MDH2: variants seen among roughly 807,000 people sequenced by gnomAD.
The protein encoded by MDH2 is malate dehydrogenase, mitochondrial.
MDH2 carries 25 observed loss-of-function variants against 33.6 expected under a neutral mutation model. The ratio of observed to expected loss-of-function variants is 0.74; its 90% confidence interval spans 0.54 to 1.04. MDH2 has a LOEUF of 1.04. Ranked by LOEUF, MDH2 falls within the 50% of genes least tolerant of loss-of-function variation. The probability of loss-of-function intolerance (pLI) is 0.00; values close to 1 mark genes in which losing one functional copy is unlikely to be tolerated. For synonymous variants in MDH2, 193 were observed against 188.7 expected (o/e 1.02, Z -0.19); for missense variants, 432 against 445.0 (o/e 0.97, Z 0.26).
At position 76,063,538 on chromosome 7, in the gene MDH2, C is replaced by T. The variant is rs781895477; in HGVS notation, c.579C>T (p.Asn193=). 8.7e-6 allele frequency: 14 copies of T among 1,614,114 alleles called. No homozygotes were observed. In the East Asian group the frequency reaches 1.3e-4, roughly 15 times the overall value. The part of the protein sequence containing the change: ...ELKGLDPARV[N]VPVIGGHAGK... Reference sequence around the variant, plus strand: ...AGGGTTTGGATCCAGCTCGAGTCAACGTCCCTGTCATTGGTGGCCATGCTG... The same window carrying T: ...AGGGTTTGGATCCAGCTCGAGTCAATGTCCCTGTCATTGGTGGCCATGCTG... Residue 193 remains asparagine (N), a synonymous_variant, in exon 6 of 9, where the codon AAC becomes AAT. Coordinates refer to ENST00000315758, the MANE Select transcript of MDH2 (RefSeq NM_005918.4).
chr7:76,054,631 A>C, intron 1 of MDH2, 199 bp from the exon 2 acceptor site: 1 of 648,706 alleles, frequency 1.5e-6, no homozygotes, highest in East Asian at 2.8e-5. Context: ...CTACAGACAT[A>C]AATTCTCCCC....
chr7:76,061,681 G>A (rs1054659604), intron 5 of MDH2, among the ~76,000 whole-genome samples: 5 of 151,242 alleles, frequency 3.3e-5, no homozygotes, highest in African/African-American at 7.3e-5. Context: ...GCAGGTGAGC[G>A]CAGGTGTATG....
At position 76,066,322 on chromosome 7, in the gene MDH2, C is replaced by G. The variant is rs782239530; in HGVS notation, c.929C>G (p.Ser310Cys). ...AACCTGGGCATCGGCAAAGTCTCCT[C>G]TTTTGAGGAGAAGATGATCTCGGAT... ...EKNLGIGKVS[S>C]FEEKMISDAI... The change falls in exon 9 of 9, where the codon TCT (serine) becomes TGT (cysteine). Residue 310 changes from serine (S) to cysteine (C), a missense_variant. By Grantham distance (112) the Ser-to-Cys change is moderately radical. Coordinates refer to ENST00000315758, the MANE Select transcript of MDH2 (RefSeq NM_005918.4). 1 of 1,611,012 alleles carries G rather than the reference C, an allele frequency of 6.2e-7. No individual in the cohort carries two copies. Among genetic ancestry groups the G allele is most frequent in the East Asian group, 2.2e-5 (1 of 44,804 alleles).
intron 3 of MDH2, among the ~76,000 whole-genome samples, 154 bp downstream of exon 3, chr7:76,057,647 G>T (rs546137782): frequency 8.5e-5 from 13 of 152,274 alleles, no homozygotes; most frequent in African/African-American, 3.1e-4. Context: ...ACATCTCTTT[G>T]TTGGCCTGGG....
chr7:76,053,447 G>T (rs782635365), intron 1 of MDH2, among the ~76,000 whole-genome samples: 1 of 152,184 alleles, frequency 6.6e-6, no homozygotes, highest in Non-Finnish European at 1.5e-5. Flanking sequence ...AAGTTTCCAG[G>T]CAGCCAGGGG....
intron 2 of MDH2, among the ~76,000 whole-genome samples, chr7:76,056,967 C>G (rs1413000571): frequency 6.6e-6 from 1 of 151,360 alleles, no homozygotes; most frequent in Non-Finnish European, 1.5e-5. Context: ...GAGCCAAGAT[C>G]ACACCACTGC....
chr7:76,048,736 G>A (rs1554584710), intron 1 of MDH2: 1 of 1,232,474 alleles, frequency 8.1e-7, no homozygotes, highest in Non-Finnish European at 1.0e-6. Context: ...AGAATTCAGC[G>A]CTTCTGACCT....
Position 76,048,238 on chromosome 7 carries a change from G to A in MDH2, c.66+12G>A. 6.5e-7 allele frequency: 1 copy of A among 1,532,086 alleles called. No individual in the cohort carries two copies. Among genetic ancestry groups the A allele is most frequent in the Non-Finnish European group, 8.7e-7 (1 of 1,144,882 alleles). 94.9% of individuals were successfully genotyped at this position (1,532,086 alleles called of 1,614,324 possible). A position where few individuals can be genotyped will look rare whatever the true frequency, so the allele number is the denominator to read the frequency against. On this transcript the variant is annotated intron_variant, in intron 1 of 8. Coordinates refer to ENST00000315758, the MANE Select transcript of MDH2 (RefSeq NM_005918.4). ...GCACCTCGGCCCAGGTAGGCCAGACGAGGGGCGGCCTGCAGGCGGAGGCCC... is the reference window on the plus strand; with the variant it reads ...GCACCTCGGCCCAGGTAGGCCAGACAAGGGGCGGCCTGCAGGCGGAGGCCC...
At chr7:76,056,586 G>A (rs1467846730) in intron 2 of MDH2, among the ~76,000 whole-genome samples, 1 of 152,172 alleles carries the variant, frequency 6.6e-6, no homozygotes, top group Non-Finnish European at 1.5e-5. Context: ...AGCAGATTTT[G>A]GATATTGTAG....
chr7:76,048,706 A>G (rs1797430053), intron 1 of MDH2: 1 of 1,239,564 alleles, frequency 8.1e-7, no homozygotes, highest in Non-Finnish European at 1.0e-6. Context: ...CCAGGGTTAC[A>G]GTCATTTGGC....
chr7:76,060,395 C>T lies in MDH2; in HGVS notation c.452C>T (p.Thr151Ile), dbSNP rs782572285. ...TAGGTTAATTCCACCATCCCCATCACAGCAGAAGTTTTCAAGAAGCATGGA... is the reference window on the plus strand; with the variant it reads ...TAGGTTAATTCCACCATCCCCATCATAGCAGAAGTTTTCAAGAAGCATGGA... ...ANPVNSTIPI[T>I]AEVFKKHGVY... is the part of the protein sequence containing the mutation. Residue 151 changes from threonine to isoleucine, a missense_variant, in exon 5 of 9, where the codon ACA (threonine) becomes ATA (isoleucine). By Grantham distance (89) the Thr-to-Ile change is moderately conservative (BLOSUM62 -1). Transcript: ENST00000315758. 2 of 1,614,188 alleles carry T rather than the reference C, an allele frequency of 1.2e-6. No individual in the cohort carries two copies. Among genetic ancestry groups the T allele is most frequent in the Non-Finnish European group, 1.7e-6 (2 of 1,180,038 alleles).
Position 76,064,805 on chromosome 7 carries a change from C to T in MDH2, c.737C>T (p.Ser246Phe). The stretch of plus-strand genomic sequence containing the variant: ...TGACCTGTCTGTGCCCCCCTAGGCT[C>T]TGCCACCCTCTCCATGGCGTATGCC... ...EVVKAKAGAG[S>F]ATLSMAYAGA... Residue 246 changes from serine to phenylalanine, a missense_variant, in exon 8 of 9, where the codon TCT becomes TTT. Coordinates refer to ENST00000315758, the MANE Select transcript of MDH2 (RefSeq NM_005918.4). The T allele has an allele frequency of 1.2e-6, 2 of 1,613,730 alleles. No individual in the cohort carries two copies. The highest frequency in any genetic ancestry group is 2.2e-5 in the East Asian group (1 of 44,858).
At chr7:76,050,943 G>A (rs1421883157) in intron 1 of MDH2, among the ~76,000 whole-genome samples, 7 of 152,180 alleles carry the variant, frequency 4.6e-5, no homozygotes, top group African/African-American at 1.2e-4. Context: ...GTACAGTGGC[G>A]TGATCTCGGC....
intron 5 of MDH2, 133 bp downstream of exon 5, chr7:76,060,631 G>T (rs540359669): frequency 1.5e-6 from 2 of 1,327,600 alleles, no homozygotes; most frequent in East Asian, 5.0e-5. Flanking sequence ...TGTTTTTAGA[G>T]CTCGCCCTCT....
At chr7:76,048,630 G>A in intron 1 of MDH2, 1 of 1,269,740 alleles carries the variant, frequency 7.9e-7, no homozygotes, top group Non-Finnish European at 9.9e-7. Flanking sequence ...TGAGTTGTGC[G>A]TGAATAAAAG....
chr7:76,057,144 G>A (rs912197313), intron 2 of MDH2, among the ~76,000 whole-genome samples: 2 of 152,138 alleles, frequency 1.3e-5, no homozygotes, highest in African/African-American at 2.4e-5. Context: ...GGCTCAGTTC[G>A]CTTTTGTGGA....
At chr7:76,061,415 CAG>C (rs151125182) in intron 5 of MDH2, among the ~76,000 whole-genome samples, 3,575 of 152,218 alleles carry the variant, frequency 0.023, 134 homozygotes, top group African/African-American at 0.08. Flanking sequence ...GTGGGGGTCA[CAG>C]AGTTTCAAAA....
intron 2 of MDH2, among the ~76,000 whole-genome samples, chr7:76,056,362 T>G (rs1797782571): frequency 6.6e-6 from 1 of 152,232 alleles, no homozygotes; most frequent in African/African-American, 2.4e-5. Flanking sequence ...TCCAGAAAGA[T>G]TCTACTGATT....
At chr7:76,051,599 G>A (rs1251659220) in intron 1 of MDH2, among the ~76,000 whole-genome samples, 2 of 151,976 alleles carry the variant, frequency 1.3e-5, no homozygotes, top group African/African-American at 2.4e-5. Flanking sequence ...AGGATTAAAC[G>A]CGTGAGCCAC....
Sources: allele counts gnomAD v4.1 joint callset (sites outside exome capture counted in the v4.1 genomes callset), GRCh38; gene constraint gnomAD v4.1.1; transcripts MANE v1.5; gene names NCBI Gene and HGNC (gene_info 2026-07-23, HGNC 2026-07-21).